FAXDC2: variants seen among roughly 807,000 people sequenced by gnomAD.
FAXDC2 encodes fatty acid hydroxylase domain-containing protein 2.
FAXDC2 carries 41 observed loss-of-function variants against 40.9 expected under a neutral mutation model. The ratio of observed to expected loss-of-function variants is 1.00; its 90% CI spans 0.78 to 1.30. FAXDC2 has a LOEUF of 1.30. FAXDC2 is among the 50% of genes most tolerant of loss of function. The pLI is 0.00. For missense variants in FAXDC2, 390 were observed against 408.8 expected, an observed-to-expected ratio of 0.95 and a Z score of 0.40; for synonymous variants, 157 against 149.3, an observed-to-expected ratio of 1.05 and a Z score of -0.38.
At chr5:154,848,898 C>T (rs915040604) in intron 1 of FAXDC2, among the ~76,000 whole-genome samples, 15 of 151,708 alleles carry the variant, frequency 9.9e-5, no homozygotes, top group African/African-American at 2.7e-4. Flanking sequence ...ACCTGGGAGG[C>T]GGAGGTTGCA....
At chr5:154,828,015 A>C (rs1760086471) in intron 5 of FAXDC2, among the ~76,000 whole-genome samples, 2 of 151,374 alleles carry the variant, frequency 1.3e-5, no homozygotes, top group African/African-American at 2.4e-5. Context: ...TCACTTGCCT[A>C]GTTAAAAAAT....
intron 1 of FAXDC2, among the ~76,000 whole-genome samples, chr5:154,847,734 A>T (rs776458399): frequency 2.9e-4 from 44 of 149,554 alleles, no homozygotes; most frequent in Non-Finnish European, 5.6e-4. Flanking sequence ...CAGGTGATAC[A>T]CCCACCTTGG....
In FAXDC2 at chr5:154,821,251, G is replaced by C. The variant is rs770270682; in HGVS notation, c.845+9C>G. 2.7e-5 allele frequency: 44 copies of C among 1,609,900 alleles called. No individual in the cohort carries two copies. In the Admixed American group the frequency reaches 7.2e-4, roughly 26 times the overall value. On this transcript the variant is annotated intron_variant, in intron 8 of 8. Coordinates refer to ENST00000326080, the MANE Select transcript of FAXDC2 (RefSeq NM_032385.5). ...GCCTAGGGACCCATTGTGGGGAGAA[G>C]GTCCTTACTTGAGATGGTGGTAGTC...
chr5:154,834,825 TG>T lies in FAXDC2; in HGVS notation c.140+17del. On this transcript the variant is annotated intron_variant, in intron 3 of 8. Coordinates refer to ENST00000326080, the MANE Select transcript of FAXDC2 (RefSeq NM_032385.5). Reference sequence around the variant, plus strand: ...GACCACCACCACACTGCACCCTAGCTGGGTGGAGCCGACTTACCATGTCACT... The same window carrying T: ...GACCACCACCACACTGCACCCTAGCTGGTGGAGCCGACTTACCATGTCACT... 3 of 1,603,548 alleles carry T rather than the reference TG, an allele frequency of 1.9e-6. No homozygotes were observed. The highest frequency in any genetic ancestry group is 2.6e-6 in the Non-Finnish European group (3 of 1,171,590).
Position 154,834,632 on chromosome 5 carries a change from G to C in FAXDC2, c.237C>G (p.Phe79Leu), listed in dbSNP as rs201086881. Residue 79 changes from phenylalanine (F) to leucine (L), a missense_variant, in exon 4 of 9, where the codon TTC becomes TTG. Phe to Leu is a conservative substitution (Grantham distance 22, BLOSUM62 0). Transcript: ENST00000326080. Reference sequence around the variant, plus strand: ...GTGGTCTGGGAACCTCACCTATAAAGAAGAGGATCCACTCCTTCCCTTCAA... The same window carrying C: ...GTGGTCTGGGAACCTCACCTATAAACAAGAGGATCCACTCCTTCCCTTCAA... The part of the protein sequence containing the change: ...TTFEGKEWIL[F>L]FIGAIQVPCL... 8.0e-5 allele frequency: 129 copies of C among 1,611,914 alleles called. No individual in the cohort carries two copies. The highest frequency in any genetic ancestry group is 1.0e-4 in the Non-Finnish European group (121 of 1,178,144).
chr5:154,825,932 G>A (rs1760022953), intron 5 of FAXDC2, among the ~76,000 whole-genome samples: 1 of 152,096 alleles, frequency 6.6e-6, no homozygotes, highest in African/African-American at 2.4e-5. Flanking sequence ...GCTTTGGCAG[G>A]ACGATCAGAA....
At chr5:154,822,656 AG>A in intron 6 of FAXDC2, 79 bp from the exon 7 acceptor site, 1 of 1,098,400 alleles carries the variant, frequency 9.1e-7, no homozygotes, top group Non-Finnish European at 1.4e-6. Context: ...AACCAAAAAT[AG>A]GAACTAGGGG....
In FAXDC2 at chr5:154,819,616, T is replaced by C. The variant is rs1475291811; in HGVS notation, c.*700A>G. The stretch of plus-strand genomic sequence containing the variant: ...GTGTTAAAGTTTGGTCTGCACCTCG[T>C]TGGTTTTAATCCAGGGAGGAGCTCC... On this transcript the variant is annotated 3_prime_UTR_variant, in exon 9 of 9. Transcript: ENST00000326080. 1.3e-5 allele frequency: 2 copies of C among 152,182 alleles called. No individual in the cohort carries two copies. The highest frequency in any genetic ancestry group is 4.8e-5 in the African/African-American group (2 of 41,428). 9.4% of individuals were successfully genotyped at this position (152,182 alleles called of 1,614,324 possible).
At position 154,823,424 on chromosome 5, in the gene FAXDC2, T is replaced by G. The variant is rs375488530; in HGVS notation, c.535A>C (p.Thr179Pro). 1 of 1,613,916 alleles carries G rather than the reference T, an allele frequency of 6.2e-7. No individual in the cohort carries two copies. The highest frequency in any genetic ancestry group is 8.5e-7 in the Non-Finnish European group (1 of 1,180,018). ...HWFLLELAIFTLIEEVLFYYS... is the reference protein window; with the variant it reads ...HWFLLELAIFPLIEEVLFYYS... Reference sequence around the variant, plus strand: ...TAGAACAAGACTTCCTCGATCAGCGTGAAGATGGCCAGCTCCAGGAGGAAC... The same window carrying G: ...TAGAACAAGACTTCCTCGATCAGCGGGAAGATGGCCAGCTCCAGGAGGAAC... The change falls in exon 6 of 9, where the codon ACG becomes CCG. Residue 179 changes from threonine to proline, a missense_variant. By Grantham distance (38) the Thr-to-Pro change is conservative. Transcript: ENST00000326080.
At chr5:154,823,781 GGTGA>G (rs1351632016) in intron 5 of FAXDC2, 189 bp from the exon 6 acceptor site, 2 of 586,270 alleles carry the variant, frequency 3.4e-6, no homozygotes, top group South Asian at 2.0e-5. Context: ...CTGCTAGGCA[GGTGA>G]GTAATACCCC....
chr5:154,822,566 TGGTGAAGGAGCCTG>T lies in FAXDC2; in HGVS notation c.573-3_583del. 1 of 1,613,722 alleles carries T rather than the reference TGGTGAAGGAGCCTG, an allele frequency of 6.2e-7. No homozygotes were observed. The highest frequency in any genetic ancestry group is 1.1e-5 in the South Asian group (1 of 91,080). On this transcript the variant is annotated splice_acceptor_variant and splice_polypyrimidine_tract_variant and coding_sequence_variant and intron_variant, in exon 7 of 9. Coordinates refer to ENST00000326080, the MANE Select transcript of FAXDC2 (RefSeq NM_032385.5). LOFTEE classifies it high-confidence loss of function. ...GTGGATTTTCTTGTAGAATGTTGGGTGGTGAAGGAGCCTGGGGAAATAGTTAATAGTTAATAACC... is the reference window on the plus strand; with the variant it reads ...GTGGATTTTCTTGTAGAATGTTGGGTGGGAAATAGTTAATAGTTAATAACC...
At chr5:154,824,455 C>T in intron 5 of FAXDC2, 1 of 702,360 alleles carries the variant, frequency 1.4e-6, no homozygotes, top group Non-Finnish European at 2.6e-6. Context: ...CAGCTTGAGG[C>T]CTGCCTCTTC....
rs764441652 is a variant in FAXDC2, at chr5:154,834,820, C to T, written c.140+23G>A. 2.5e-6 allele frequency: 4 copies of T among 1,602,814 alleles called. No homozygotes were observed. The South Asian group carries it at 4.4e-5, about 18-fold the overall frequency. On this transcript the variant is annotated intron_variant, in intron 3 of 8. Transcript: ENST00000326080. ...CCCCCGACCACCACCACACTGCACC[C>T]TAGCTGGGTGGAGCCGACTTACCAT...
intron 5 of FAXDC2, among the ~76,000 whole-genome samples, chr5:154,825,103 G>T (rs1166961165): frequency 6.9e-6 from 1 of 145,394 alleles, no homozygotes; most frequent in East Asian, 2.2e-4. Flanking sequence ...TGTGGCTTAC[G>T]CCTGTAATCC....
At chr5:154,825,650 C>CAAAAAAAAAAA (rs386358555) in intron 5 of FAXDC2, among the ~76,000 whole-genome samples, 808 of 30,102 alleles carry the variant, frequency 0.027, 277 homozygotes, top group African/African-American at 0.11. Flanking sequence ...GACTCCGTCT[C>CAAAAAAAAAAA]AAAAAAAAAA....
intron 1 of FAXDC2, among the ~76,000 whole-genome samples, chr5:154,848,646 A>C (rs536076451): frequency 6.6e-6 from 1 of 152,272 alleles, no homozygotes; most frequent in East Asian, 1.9e-4. Context: ...CTTATATAGA[A>C]GATAGAGTGG....
intron 1 of FAXDC2, among the ~76,000 whole-genome samples, chr5:154,849,978 A>G (rs985050681): frequency 2.0e-5 from 3 of 152,336 alleles, no homozygotes; most frequent in African/African-American, 4.8e-5. Context: ...TGTCTAGCTC[A>G]TAGCCCACAC....
At position 154,820,356 on chromosome 5, in the gene FAXDC2, AGC is replaced by A. The variant is rs755406788; in HGVS notation, c.960_961del (p.Ser322Ter). ...TGGGGAGTCTGGGATGCTCTCAGAG[AGC>A]GGGGTGAAGCCCAGCAGGAGGACAT... On this transcript the variant is annotated frameshift_variant, in exon 9 of 9. Transcript: ENST00000326080. LOFTEE classifies it high-confidence loss of function. The A allele has an allele frequency of 6.2e-7, 1 of 1,612,904 alleles. No homozygotes were observed. The highest frequency in any genetic ancestry group is 8.5e-7 in the Non-Finnish European group (1 of 1,179,738).
chr5:154,844,471 C>T (rs542806563), intron 1 of FAXDC2, among the ~76,000 whole-genome samples: 37 of 151,988 alleles, frequency 2.4e-4, no homozygotes, highest in African/African-American at 8.9e-4. Context: ...AGAAGTTTTG[C>T]CTCTCTGGAA....
Sources: allele counts gnomAD v4.1 joint callset (sites outside exome capture counted in the v4.1 genomes callset), GRCh38; gene constraint gnomAD v4.1.1; transcripts MANE v1.5; gene names NCBI Gene and HGNC (gene_info 2026-07-23, HGNC 2026-07-21).